CPQ: variants seen among roughly 807,000 people sequenced by gnomAD.
CPQ encodes carboxypeptidase Q, also known as Ser-Met dipeptidase.
Under a neutral mutation model 45.7 loss-of-function variants are expected in CPQ, and 37 were observed. The ratio of observed to expected loss-of-function variants is 0.81; its 90% CI spans 0.62 to 1.07. The LOEUF (loss-of-function observed/expected upper bound fraction) is 1.07. Ranked by LOEUF, CPQ falls within the 50% of genes least tolerant of loss-of-function variation. The pLI, the probability that CPQ is intolerant of heterozygous loss-of-function variation, is 0.00. For missense variants in CPQ, 537 were observed against 572.9 expected (o/e 0.94, Z 0.64); for synonymous variants, 186 against 205.8 (o/e 0.90, Z 0.82).
chr8:96,673,651 C>G (rs1258504138), intron 1 of CPQ, among the ~76,000 whole-genome samples: 1 of 152,144 alleles, frequency 6.6e-6, no homozygotes, highest in Non-Finnish European at 1.5e-5. Flanking sequence ...CCTCCTGGCG[C>G]TATTCTCCTG....
intron 3 of CPQ, among the ~76,000 whole-genome samples, chr8:96,863,431 A>G (rs1195359935): frequency 2.0e-5 from 3 of 152,044 alleles, no homozygotes; most frequent in Non-Finnish European, 4.4e-5. Flanking sequence ...AAAAACCTGA[A>G]GGCTGACCCT....
At chr8:96,919,809 C>T (rs527818636) in intron 4 of CPQ, among the ~76,000 whole-genome samples, 9 of 152,230 alleles carry the variant, frequency 5.9e-5, no homozygotes, top group African/African-American at 2.2e-4. Context: ...TAGCAGTAAT[C>T]ACTTTATCAG....
At chr8:96,959,367 T>G (rs1178317579) in intron 4 of CPQ, among the ~76,000 whole-genome samples, 6 of 152,228 alleles carry the variant, frequency 3.9e-5, no homozygotes, top group Admixed American at 3.9e-4. Context: ...GATGGAACCT[T>G]GGAAGGTTTT....
At chr8:97,116,733 G>T (rs1271094675) in intron 7 of CPQ, among the ~76,000 whole-genome samples, 1 of 152,210 alleles carries the variant, frequency 6.6e-6, no homozygotes, top group African/African-American at 2.4e-5. Flanking sequence ...GGATTCTAAT[G>T]AAAATAATAG....
At chr8:97,001,742 T>TTTTTTTTTTTTTTC (rs1809286183) in intron 5 of CPQ, among the ~76,000 whole-genome samples, 1 of 146,592 alleles carries the variant, frequency 6.8e-6, no homozygotes, top group African/African-American at 2.5e-5. Context: ...TTTTTTTTTT[T>TTTTTTTTTTTTTTC]TTGTATTTCT....
intron 4 of CPQ, among the ~76,000 whole-genome samples, chr8:96,933,128 G>A (rs1812996541): frequency 6.6e-6 from 1 of 152,056 alleles, no homozygotes; most frequent in Non-Finnish European, 1.5e-5. Context: ...CCTCACCATG[G>A]GGAATTGGTG....
At chr8:96,662,439 G>A (rs1815710889) in intron 1 of CPQ, among the ~76,000 whole-genome samples, 1 of 152,054 alleles carries the variant, frequency 6.6e-6, no homozygotes, top group Admixed American at 6.6e-5. Context: ...AGTATTAATG[G>A]TCCAGTTCTT....
At chr8:97,021,236 G>A (rs186146437) in intron 5 of CPQ, among the ~76,000 whole-genome samples, 2 of 152,186 alleles carry the variant, frequency 1.3e-5, no homozygotes, top group Non-Finnish European at 2.9e-5. Flanking sequence ...TGTAATGAAA[G>A]CCATCTATGA....
chr8:96,823,446 T>C (rs760028070), intron 2 of CPQ, among the ~76,000 whole-genome samples: 12 of 152,030 alleles, frequency 7.9e-5, no homozygotes, highest in Non-Finnish European at 1.5e-4. Context: ...CCTGATTATG[T>C]TTTGCTTTTT....
intron 1 of CPQ, among the ~76,000 whole-genome samples, chr8:96,758,195 T>C (rs1470515200): frequency 3.3e-5 from 5 of 152,198 alleles, no homozygotes; most frequent in Non-Finnish European, 1.5e-5. Context: ...GTAAAATAAG[T>C]AGAGCTCATA....
intron 2 of CPQ, among the ~76,000 whole-genome samples, chr8:96,814,396 G>C (rs980821664): frequency 3.9e-5 from 6 of 152,128 alleles, no homozygotes; most frequent in African/African-American, 1.4e-4. Flanking sequence ...AAAGGCTTTG[G>C]CCACAAAACT....
At chr8:96,938,607 C>A (rs1342476947) in intron 4 of CPQ, among the ~76,000 whole-genome samples, 1 of 152,090 alleles carries the variant, frequency 6.6e-6, no homozygotes, top group East Asian at 1.9e-4. Context: ...GCACTGAGAC[C>A]TGTGATGGAG....
At chr8:96,731,635 A>G (rs1204824887) in intron 1 of CPQ, among the ~76,000 whole-genome samples, 2 of 152,096 alleles carry the variant, frequency 1.3e-5, no homozygotes, top group South Asian at 2.1e-4. Context: ...ATAAACTGTT[A>G]ATCAATGGGG....
At position 96,835,007 on chromosome 8, in the gene CPQ, C is replaced by T. The variant is rs1237209399; in HGVS notation, c.468C>T (p.Phe156=). The change falls in exon 3 of 8, where the codon TTC becomes TTT. Residue 156 remains phenylalanine, a synonymous_variant. Coordinates refer to ENST00000220763, the MANE Select transcript of CPQ (RefSeq NM_016134.4). ...ITAEVLVVTS[F]DELQRRASEA... Reference sequence around the variant, plus strand: ...CAGAAGTTCTGGTGGTGACCTCTTTCGATGAACTGCAGAGAAGGGCCTCAG... The same window carrying T: ...CAGAAGTTCTGGTGGTGACCTCTTTTGATGAACTGCAGAGAAGGGCCTCAG... 9.9e-6 allele frequency: 16 copies of T among 1,613,276 alleles called. No individual in the cohort carries two copies. Among genetic ancestry groups the T allele is most frequent in the East Asian group, 2.2e-5 (1 of 44,856 alleles).
intron 2 of CPQ, among the ~76,000 whole-genome samples, chr8:96,787,597 G>GT (rs1393682956): frequency 7.9e-6 from 1 of 126,066 alleles, no homozygotes; most frequent in Non-Finnish European, 1.6e-5. Flanking sequence ...GTGGCAAAGT[G>GT]TCACCTCACC....
At chr8:97,001,035 C>T (rs1267489606) in intron 5 of CPQ, among the ~76,000 whole-genome samples, 1 of 151,924 alleles carries the variant, frequency 6.6e-6, no homozygotes, top group Non-Finnish European at 1.5e-5. Flanking sequence ...ATTTGGTTCT[C>T]TGCTTGCTTA....
At chr8:96,672,588 G>A (rs1366072789) in intron 1 of CPQ, among the ~76,000 whole-genome samples, 4 of 152,038 alleles carry the variant, frequency 2.6e-5, no homozygotes. Context: ...GACCAGCCTG[G>A]CCAAGATGGC....
chr8:96,807,634 T>C (rs1337494943), intron 2 of CPQ, among the ~76,000 whole-genome samples: 3 of 152,228 alleles, frequency 2.0e-5, no homozygotes, highest in African/African-American at 7.2e-5. Flanking sequence ...TAAATGCTCT[T>C]TGCTCCTTTC....
chr8:96,727,074 G>A (rs1362467126), intron 1 of CPQ, among the ~76,000 whole-genome samples: 1 of 152,134 alleles, frequency 6.6e-6, no homozygotes, highest in Admixed American at 6.6e-5. Context: ...TACAGTGATG[G>A]CTATGAACAT....
Sources: gnomAD v4.1 joint callset for allele counts (sites outside exome capture counted in the v4.1 genomes callset) on GRCh38, gnomAD v4.1.1 for gene constraint, MANE v1.5 for transcripts, NCBI Gene and HGNC (gene_info 2026-07-23, HGNC 2026-07-21) for gene names.